MARCO: variants seen among roughly 807,000 people sequenced by gnomAD.
The protein encoded by MARCO is macrophage receptor with collagenous structure.
Under a neutral mutation model 70.0 loss-of-function variants are expected in MARCO, and 72 were observed. The observed-to-expected ratio is 1.03, with a 90% CI of 0.85 to 1.25. The LOEUF is 1.25. Among genes scored for constraint, MARCO ranks in the 50% most tolerant of loss-of-function variants. The pLI, the probability that MARCO is intolerant of heterozygous loss-of-function variation, is 0.00. For missense variants in MARCO, 696 were observed against 659.3 expected (o/e 1.06, Z -0.61); for synonymous variants, 273 against 243.1 (o/e 1.12, Z -1.14).
Position 118,990,670 on chromosome 2 carries a change from T to G in MARCO, c.1108+37T>G, listed in dbSNP as rs548834084. On this transcript the variant is annotated intron_variant, in intron 13 of 16. Transcript: ENST00000327097. Reference sequence around the variant, plus strand: ...GCTGCATCTTCATCCCTCGGAGTGATGACGGGGAAGGCCTGCCTTCTCAGA... The same window carrying G: ...GCTGCATCTTCATCCCTCGGAGTGAGGACGGGGAAGGCCTGCCTTCTCAGA... 5 of 1,595,646 alleles carry G rather than the reference T, an allele frequency of 3.1e-6. No individual in the cohort carries two copies. The East Asian group carries it at 9.1e-5, about 29-fold the overall frequency.
chr2:118,981,748 T>TC, intron 10 of MARCO, 92 bp downstream of exon 10: 1 of 1,301,172 alleles, frequency 7.7e-7, no homozygotes, highest in Non-Finnish European at 1.1e-6. Flanking sequence ...TTTTGCTTCA[T>TC]TGTAGTATTC....
intron 1 of MARCO, among the ~76,000 whole-genome samples, chr2:118,956,415 T>TTC (rs1432376833): frequency 2.1e-5 from 3 of 144,104 alleles, no homozygotes; most frequent in Non-Finnish European, 3.0e-5. Flanking sequence ...TATGTAATGG[T>TTC]AAAAGTCCTT....
rs565487618 is a variant in MARCO at position 118,994,502 on chromosome 2, C to T, written c.1545C>T (p.Gly515=). The T allele has an allele frequency of 1.8e-5, 29 of 1,603,960 alleles. No individual in the cohort carries two copies. The African/African-American group carries it at 2.4e-4, about 13-fold the overall frequency. Reference sequence around the variant, plus strand: ...ACTGCAGCCACGAGGAGGACGCAGGCGTGGAGTGCAGCGTCTGACCCGGAA... The same window carrying T: ...ACTGCAGCCACGAGGAGGACGCAGGTGTGGAGTGCAGCGTCTGACCCGGAA... ...HHDCSHEEDA[G]VECSV The change falls in exon 17 of 17, where the codon GGC becomes GGT. Residue 515 remains glycine (G), a synonymous_variant. Transcript: ENST00000327097.
Position 118,993,194 on chromosome 2 carries a change from T to C in MARCO, c.1323T>C (p.Gly441=). Residue 441 remains glycine, a synonymous_variant, in exon 16 of 17, where the codon GGT becomes GGC. Transcript: ENST00000327097. ...GCCGGGCTGAAGTTTACTACAGTGG[T>C]ACCTGGGGGACAATTTGCGATGACG... ...NRGRAEVYYS[G]TWGTICDDEW... is the part of the protein sequence containing the mutation. 6.2e-7 allele frequency: 1 copy of C among 1,614,168 alleles called. No individual in the cohort carries two copies. Among genetic ancestry groups the C allele is most frequent in the Non-Finnish European group, 8.5e-7 (1 of 1,180,014 alleles).
chr2:118,982,295 G>A (rs1469753693), intron 11 of MARCO, 41 bp downstream of exon 11: 1 of 1,612,636 alleles, frequency 6.2e-7, no homozygotes, highest in African/African-American at 1.3e-5. Context: ...GGAGTGATGT[G>A]TGAAAACCTG....
chr2:118,987,208 A>G (rs1288835754), intron 12 of MARCO, among the ~76,000 whole-genome samples: 1 of 152,248 alleles, frequency 6.6e-6, no homozygotes, highest in Non-Finnish European at 1.5e-5. Flanking sequence ...ACTTGGGGAA[A>G]GCCAGCTTGC....
At chr2:118,982,911 C>T (rs182224837) in intron 12 of MARCO, among the ~76,000 whole-genome samples, 1 of 152,078 alleles carries the variant, frequency 6.6e-6, no homozygotes, top group Non-Finnish European at 1.5e-5. Flanking sequence ...AGGTTATATA[C>T]CATCATGTCT....
At chr2:118,974,048 G>C (rs113840315) in intron 4 of MARCO, among the ~76,000 whole-genome samples, 4 of 152,136 alleles carry the variant, frequency 2.6e-5, no homozygotes, top group Non-Finnish European at 5.9e-5. Flanking sequence ...TTACTGATGA[G>C]GGAGCTGAGG....
intron 1 of MARCO, among the ~76,000 whole-genome samples, chr2:118,946,741 A>G (rs367746441): frequency 1.3e-5 from 2 of 152,256 alleles, no homozygotes; most frequent in Non-Finnish European, 2.9e-5. Context: ...AGTAGTCGAT[A>G]TATTTTCCAG....
chr2:118,984,158 GCCC>G (rs1680444435), intron 12 of MARCO, among the ~76,000 whole-genome samples: 3 of 152,224 alleles, frequency 2.0e-5, no homozygotes, highest in African/African-American at 7.2e-5. Context: ...TCCCTCCCCA[GCCC>G]CACAATCAGG....
intron 1 of MARCO, among the ~76,000 whole-genome samples, chr2:118,943,634 A>G (rs1258178412): frequency 6.6e-6 from 1 of 152,244 alleles, no homozygotes; most frequent in African/African-American, 2.4e-5. Flanking sequence ...GGCAGAGCTG[A>G]CACCTCTTCC....
At chr2:118,984,860 A>C (rs1399151772) in intron 12 of MARCO, among the ~76,000 whole-genome samples, 2 of 152,220 alleles carry the variant, frequency 1.3e-5, no homozygotes, top group Non-Finnish European at 2.9e-5. Context: ...CAGTGTTGAT[A>C]TATCAAGCCA....
At chr2:118,983,121 T>C (rs1427782048) in intron 12 of MARCO, among the ~76,000 whole-genome samples, 1 of 152,010 alleles carries the variant, frequency 6.6e-6, no homozygotes, top group Non-Finnish European at 1.5e-5. Context: ...CACACTCTGA[T>C]TGGGCATTTC....
intron 16 of MARCO, among the ~76,000 whole-genome samples, chr2:118,993,549 T>G (rs1680664757): frequency 6.6e-6 from 1 of 152,158 alleles, no homozygotes; most frequent in Non-Finnish European, 1.5e-5. Flanking sequence ...TCAAGGTCCA[T>G]CCAGCCCTGG....
chr2:118,988,037 T>C lies in MARCO; in HGVS notation c.1064-2552T>C, dbSNP rs114861428. Reference sequence around the variant, plus strand: ...TCACTCTTATGTGACCTTGAATTACTCACCTAGCATCTCTGAGTGTGTACT... The same window carrying C: ...TCACTCTTATGTGACCTTGAATTACCCACCTAGCATCTCTGAGTGTGTACT... On this transcript the variant is annotated intron_variant, in intron 12 of 16. Transcript: ENST00000327097. Among the ~76,000 whole-genome samples, 575 of 152,324 alleles carry C rather than the reference T, an allele frequency of 3.8e-3. 1 individual carries two copies. The highest frequency in any genetic ancestry group is 0.013 in the African/African-American group (551 of 41,570).
chr2:118,993,100 T>C (rs1680654580), intron 15 of MARCO, 24 bp from the exon 16 acceptor site: 1 of 1,612,788 alleles, frequency 6.2e-7, no homozygotes, highest in Non-Finnish European at 8.5e-7. Flanking sequence ...TCCTTGCCTC[T>C]CCCATGTGTG....
rs1362066950 is a variant in MARCO at position 118,986,604 on chromosome 2, A to AGAAAGAAG, written c.1064-3978_1064-3977insGGAAAGAA. Among the ~76,000 whole-genome samples, 37 of 17,380 alleles carry AGAAAGAAG rather than the reference A, an allele frequency of 2.1e-3. 3 individuals are homozygous for AGAAAGAAG. The highest frequency in any genetic ancestry group is 7.7e-3 in the East Asian group (3 of 392). The allele number at this position is 17,380 out of a possible 152,430, so 11.4% of individuals were successfully genotyped here. ...AAGGAAAGAAGAAAGAAAGAAAGAA[A>AGAAAGAAG]GAAAGAAAGAAAGAAAGAAAGAAAG... On this transcript the variant is annotated intron_variant, in intron 12 of 16. Transcript: ENST00000327097.
rs755693328 is a variant in MARCO at position 118,986,586 on chromosome 2, GAAGAAAGA to G, written c.1064-3941_1064-3934del. 4.6e-3 allele frequency among the ~76,000 whole-genome samples: 217 copies of G among 46,706 alleles called. 3 individuals carry two copies. Among genetic ancestry groups the G allele is most frequent in the Non-Finnish European group, 6.3e-3 (170 of 27,168 alleles). The allele number at this position is 46,706 out of a possible 152,430, so 30.6% of individuals were successfully genotyped here. A position where few individuals can be genotyped will look rare whatever the true frequency, so the allele number is the denominator to read the frequency against. On this transcript the variant is annotated intron_variant, in intron 12 of 16. Coordinates refer to ENST00000327097, the MANE Select transcript of MARCO (RefSeq NM_006770.4). ...GGAGGGAGGGAGGGAGGGAAGGAAA[GAAGAAAGA>G]AAGAAAGAAAGAAAGAAAGAAAGAA... is the stretch of plus-strand genomic sequence containing the variant.
intron 6 of MARCO, among the ~76,000 whole-genome samples, chr2:118,976,961 G>A (rs976422275): frequency 1.3e-5 from 2 of 152,200 alleles, no homozygotes; most frequent in Non-Finnish European, 2.9e-5. Context: ...TGCAGGCTGG[G>A]AAGTTCAAGA....
Sources: allele counts gnomAD v4.1 joint callset (sites outside exome capture counted in the v4.1 genomes callset), GRCh38; gene constraint gnomAD v4.1.1; transcripts MANE v1.5; gene names NCBI Gene and HGNC (gene_info 2026-07-23, HGNC 2026-07-21).